MTUS2: variants seen among roughly 807,000 people sequenced by gnomAD.
MTUS2 encodes microtubule-associated tumor suppressor candidate 2.
Under a neutral mutation model 114.1 loss-of-function variants are expected in MTUS2, and 40 were observed. That is an observed-to-expected ratio of 0.35 (90% CI 0.27 to 0.46). The LOEUF is 0.46. MTUS2 is among the 20% of genes least tolerant of loss of function. The pLI is 1.00. For missense variants in MTUS2, 1,679 were observed against 1,705.4 expected (o/e 0.98, Z 0.27); for synonymous variants, 688 against 672.0 (o/e 1.02, Z -0.37).
intron 5 of MTUS2, among the ~76,000 whole-genome samples, chr13:29,148,472 CTTTTTTTTTT>C (rs976334425): frequency 1.4e-5 from 1 of 71,372 alleles, no homozygotes; most frequent in African/African-American, 5.3e-5. Flanking sequence ...GTTTGGTTTT[CTTTTTTTTTT>C]TTTTTTTTTT....
At chr13:29,126,915 G>A (rs1891543131) in intron 5 of MTUS2, among the ~76,000 whole-genome samples, 1 of 152,202 alleles carries the variant, frequency 6.6e-6, no homozygotes, top group Non-Finnish European at 1.5e-5. Flanking sequence ...GAGGATTAAA[G>A]AGAAAATGCA....
chr13:28,884,992 C>T (rs1335521866), intron 2 of MTUS2, among the ~76,000 whole-genome samples: 3 of 151,964 alleles, frequency 2.0e-5, no homozygotes, highest in Non-Finnish European at 4.4e-5. Context: ...AAATTAATTG[C>T]ACCTTTTAAG....
chr13:28,880,166 A>G (rs1406196455), intron 2 of MTUS2, among the ~76,000 whole-genome samples: 1 of 152,208 alleles, frequency 6.6e-6, no homozygotes, highest in East Asian at 1.9e-4. Context: ...ATCTGTATTC[A>G]TTATGCTGAA....
intron 7 of MTUS2, among the ~76,000 whole-genome samples, chr13:29,356,147 C>T (rs1869721252): frequency 6.6e-6 from 1 of 152,098 alleles, no homozygotes; most frequent in Non-Finnish European, 1.5e-5. Context: ...ACAAAACACT[C>T]CTACATCTAA....
chr13:28,964,840 A>T (rs1222536444), intron 2 of MTUS2, among the ~76,000 whole-genome samples: 1 of 151,110 alleles, frequency 6.6e-6, no homozygotes, highest in African/African-American at 2.4e-5. Flanking sequence ...TCGATTGCAC[A>T]TTTCTGAACA....
intron 4 of MTUS2, among the ~76,000 whole-genome samples, chr13:29,093,848 G>A (rs9506098): frequency 0.67 from 102,217 of 152,052 alleles, 35,069 homozygotes; most frequent in Non-Finnish European, 0.74. Flanking sequence ...AGAGGGGAAG[G>A]ATTCAGTCTT....
At chr13:29,095,693 A>AGTATGTATTGATCT (rs1890148155) in intron 4 of MTUS2, among the ~76,000 whole-genome samples, 1 of 147,770 alleles carries the variant, frequency 6.8e-6, no homozygotes, top group African/African-American at 2.5e-5. Context: ...TGGATTGTGT[A>AGTATGTATTGATCT]GTATGTATTG....
intron 2 of MTUS2, among the ~76,000 whole-genome samples, chr13:28,931,274 T>C (rs1881601745): frequency 6.6e-6 from 1 of 152,114 alleles, no homozygotes; most frequent in Non-Finnish European, 1.5e-5. Flanking sequence ...ATGATAAAAA[T>C]AATACAAATA....
chr13:29,131,053 T>C (rs1156698559), intron 5 of MTUS2, among the ~76,000 whole-genome samples: 1 of 152,180 alleles, frequency 6.6e-6, no homozygotes, highest in Non-Finnish European at 1.5e-5. Context: ...ACTCAGGAGG[T>C]CCTCACATAG....
chr13:29,018,994 A>C (rs935489102), intron 2 of MTUS2, among the ~76,000 whole-genome samples: 4 of 152,060 alleles, frequency 2.6e-5, no homozygotes, highest in Non-Finnish European at 5.9e-5. Context: ...ATAATTGGTG[A>C]GTTATGAGTA....
At chr13:29,036,213 G>T (rs1313048480) in intron 4 of MTUS2, among the ~76,000 whole-genome samples, 3 of 151,642 alleles carry the variant, frequency 2.0e-5, no homozygotes, top group African/African-American at 7.3e-5. Context: ...GGCACTGTGA[G>T]TACCTTCCCA....
At chr13:29,143,241 C>T (rs1238692143) in intron 5 of MTUS2, among the ~76,000 whole-genome samples, 1 of 152,112 alleles carries the variant, frequency 6.6e-6, no homozygotes, top group Non-Finnish European at 1.5e-5. Context: ...GCCTAGCTTT[C>T]TTATGTGGAA....
At chr13:29,381,676 A>G (rs1352138236) in intron 8 of MTUS2, among the ~76,000 whole-genome samples, 1 of 152,206 alleles carries the variant, frequency 6.6e-6, no homozygotes, top group African/African-American at 2.4e-5. Context: ...GCCCACGTTC[A>G]TCATGACGTT....
chr13:29,428,492 C>T, intron 8 of MTUS2: 2 of 303,034 alleles, frequency 6.6e-6, no homozygotes, highest in Non-Finnish European at 1.2e-5. Flanking sequence ...TTTAGGGAGC[C>T]GGCATTGGTA....
intron 5 of MTUS2, among the ~76,000 whole-genome samples, chr13:29,165,463 A>G (rs1190848228): frequency 2.0e-5 from 3 of 152,240 alleles, no homozygotes; most frequent in Non-Finnish European, 4.4e-5. Flanking sequence ...TAGTTGCTTA[A>G]GAGCTGGGAC....
chr13:29,035,695 G>A (rs1199635350), intron 4 of MTUS2, among the ~76,000 whole-genome samples: 1 of 151,998 alleles, frequency 6.6e-6, no homozygotes, highest in Non-Finnish European at 1.5e-5. Context: ...GACTTAGATG[G>A]TTCACTGAAC....
chr13:29,335,242 G>A (rs138813746), intron 7 of MTUS2, among the ~76,000 whole-genome samples: 59 of 152,144 alleles, frequency 3.9e-4, no homozygotes, highest in South Asian at 1.0e-3. Context: ...TTTTACGGTC[G>A]TAGATAAGGG....
chr13:29,025,199 T>G lies in MTUS2; in HGVS notation c.501T>G (p.Leu167=). 15 of 1,613,850 alleles carry G rather than the reference T, an allele frequency of 9.3e-6. No homozygotes were observed. The highest frequency in any genetic ancestry group is 1.2e-5 in the Non-Finnish European group (14 of 1,179,880). The change falls in exon 3 of 16, where the codon CTT becomes CTG. Residue 167 remains leucine, a synonymous_variant. Transcript: ENST00000612955. ...HVPKDKLAKT[L]DNEELRRHSL... ...CCAAGGATAAACTGGCAAAGACCCTTGACAATGAGGAACTGAGGAGGCATT... is the reference window on the plus strand; with the variant it reads ...CCAAGGATAAACTGGCAAAGACCCTGGACAATGAGGAACTGAGGAGGCATT...
intron 5 of MTUS2, among the ~76,000 whole-genome samples, chr13:29,197,137 G>C (rs1894735850): frequency 6.6e-6 from 1 of 152,104 alleles, no homozygotes; most frequent in South Asian, 2.1e-4. Flanking sequence ...GTACCATGGT[G>C]GTTTGCCGCA....
Sources: gnomAD v4.1 joint callset for allele counts (sites outside exome capture counted in the v4.1 genomes callset) on GRCh38, gnomAD v4.1.1 for gene constraint, MANE v1.5 for transcripts, NCBI Gene and HGNC (gene_info 2026-07-23, HGNC 2026-07-21) for gene names.